The following RBFOX1 variants were observed in gnomAD, a reference collection of about 807,000 sequenced individuals.
RBFOX1 encodes the protein RNA binding fox-1 homolog 1, also known as RNA binding protein fox-1 homolog 1.
Under a neutral mutation model 57.7 loss-of-function variants are expected in RBFOX1, and 8 were observed. The observed-to-expected ratio is 0.14, with a 90% CI of 0.08 to 0.25. The LOEUF is 0.25. Ranked by LOEUF, RBFOX1 falls within the 10% of genes least tolerant of loss-of-function variation. RBFOX1 has a pLI of 1.00. For synonymous variants in RBFOX1, 326 were observed against 222.4 expected (o/e 1.47, Z -4.15); for missense variants, 611 against 548.5 (o/e 1.11, Z -1.14).
At chr16:5,286,727 C>T (rs548198520) in intron 1 of RBFOX1, among the ~76,000 whole-genome samples, 4 of 152,204 alleles carry the variant, frequency 2.6e-5, no homozygotes, top group Admixed American at 2.0e-4. Context: ...CATAAAGAGG[C>T]AAACGGTAAT....
chr16:6,378,970 C>T lies in RBFOX1; in HGVS notation c.-64+61913C>T, dbSNP rs373504482. Among the ~76,000 whole-genome samples, 9 of 152,124 alleles carry T rather than the reference C, an allele frequency of 5.9e-5. No individual in the cohort carries two copies. The South Asian group carries it at 1.9e-3, about 32-fold the overall frequency. On this transcript the variant is annotated intron_variant, in intron 2 of 15. Coordinates refer to ENST00000550418, the MANE Select transcript of RBFOX1 (RefSeq NM_018723.4). The stretch of plus-strand genomic sequence containing the variant: ...GATTGGCCCTGGAAAAAGAAAGTAG[C>T]AATGGAGCAGGAAGTAATTAGACAT...
intron 2 of RBFOX1, among the ~76,000 whole-genome samples, chr16:6,443,888 A>G (rs1212966460): frequency 1.3e-5 from 2 of 152,082 alleles, no homozygotes; most frequent in Non-Finnish European, 2.9e-5. Flanking sequence ...CCATGCACTC[A>G]TTCAATTAAC....
chr16:7,393,756 G>A (rs2098087721), intron 4 of RBFOX1, among the ~76,000 whole-genome samples: 1 of 152,150 alleles, frequency 6.6e-6, no homozygotes, highest in African/African-American at 2.4e-5. Flanking sequence ...CCCAGGAAGG[G>A]GTGGTAGCCG....
chr16:6,406,969 C>T (rs9930982), intron 2 of RBFOX1, among the ~76,000 whole-genome samples: 1 of 152,060 alleles, frequency 6.6e-6, no homozygotes, highest in African/African-American at 2.4e-5. Context: ...ATGATCCTTG[C>T]CTAACTTCCT....
chr16:5,598,955 A>G, exon 3 of RBFOX1: 1 of 1,531,742 alleles, frequency 6.5e-7, no homozygotes, highest in Non-Finnish European at 8.7e-7. Context: ...ACAGCCTGCA[A>G]GACTCCGTAA....
At chr16:6,318,788 A>T (rs116728803) in intron 2 of RBFOX1, among the ~76,000 whole-genome samples, 174 of 152,164 alleles carry the variant, frequency 1.1e-3, no homozygotes, top group African/African-American at 4.0e-3. Flanking sequence ...TACTGCTCTA[A>T]ACCAGTGAGC....
chr16:5,907,425 G>C (rs1180332885), intron 4 of RBFOX1, among the ~76,000 whole-genome samples: 3 of 151,932 alleles, frequency 2.0e-5, no homozygotes, highest in Non-Finnish European at 4.4e-5. Context: ...TTCAGAGCAC[G>C]TTGCACCTTT....
At chr16:6,599,387 T>G (rs2154003435) in intron 2 of RBFOX1, among the ~76,000 whole-genome samples, 1 of 152,266 alleles carries the variant, frequency 6.6e-6, no homozygotes, top group Non-Finnish European at 1.5e-5. Context: ...AGTCTCTTCC[T>G]TGGGAGTTAA....
intron 2 of RBFOX1, among the ~76,000 whole-genome samples, chr16:6,328,001 C>A (rs2082574702): frequency 6.6e-6 from 1 of 152,144 alleles, no homozygotes; most frequent in South Asian, 2.1e-4. Context: ...AAAGGTTGTG[C>A]ATTGCCAATT....
At chr16:6,844,313 T>G (rs570745314) in intron 3 of RBFOX1, among the ~76,000 whole-genome samples, 1 of 152,252 alleles carries the variant, frequency 6.6e-6, no homozygotes, top group South Asian at 2.1e-4. Flanking sequence ...AGGTATTAAA[T>G]CTGGTGTTCA....
chr16:6,722,521 A>G (rs1479953888), intron 3 of RBFOX1, among the ~76,000 whole-genome samples: 1 of 17,810 alleles, frequency 5.6e-5, no homozygotes, highest in African/African-American at 6.0e-5. Context: ...AATACTTGGC[A>G]TTTTGCCAAG....
rs575883585 is a variant in RBFOX1, at chr16:7,523,848, G to C, written c.270+5459G>C. Among the ~76,000 whole-genome samples, 199 of 152,310 alleles carry C rather than the reference G, an allele frequency of 1.3e-3. 1 individual carries two copies. Among genetic ancestry groups the C allele is most frequent in the African/African-American group, 4.5e-3 (187 of 41,570 alleles). ...TCCTGATCTACACCAGCAGAACGTG[G>C]TCTATGACAAGTTTACTTCAAATTG... On this transcript the variant is annotated intron_variant, in intron 5 of 15. Coordinates refer to ENST00000550418, the MANE Select transcript of RBFOX1 (RefSeq NM_018723.4).
intron 2 of RBFOX1, among the ~76,000 whole-genome samples, chr16:5,571,215 C>CT (rs34409151): frequency 0.51 from 40,801 of 79,704 alleles, 11,741 homozygotes; most frequent in East Asian, 0.58. Flanking sequence ...CCATCTTTGA[C>CT]TTTTTTTTTT....
intron 3 of RBFOX1, among the ~76,000 whole-genome samples, chr16:6,707,534 G>C (rs1230833482): frequency 2.2e-5 from 3 of 133,728 alleles, no homozygotes; most frequent in Non-Finnish European, 4.6e-5. Context: ...CCTTGTACAT[G>C]CATCTTGGGG....
At chr16:5,778,662 A>T (rs577907406) in intron 3 of RBFOX1, among the ~76,000 whole-genome samples, 5 of 152,272 alleles carry the variant, frequency 3.3e-5, no homozygotes, top group African/African-American at 1.2e-4. Context: ...GTCCACAGCC[A>T]GGTGTCCTGT....
intron 2 of RBFOX1, among the ~76,000 whole-genome samples, chr16:6,600,495 C>T (rs778116891): frequency 8.5e-5 from 13 of 152,178 alleles, no homozygotes. Context: ...AGTCTCCAAA[C>T]CCTTTATTTG....
At chr16:6,640,490 C>G (rs1355127076) in intron 2 of RBFOX1, among the ~76,000 whole-genome samples, 1 of 152,006 alleles carries the variant, frequency 6.6e-6, no homozygotes, top group Non-Finnish European at 1.5e-5. Flanking sequence ...CACCTGTAAT[C>G]CCAGGTACTT....
At chr16:7,332,019 T>G (rs2096704512) in intron 4 of RBFOX1, among the ~76,000 whole-genome samples, 1 of 152,204 alleles carries the variant, frequency 6.6e-6, no homozygotes, top group South Asian at 2.1e-4. Flanking sequence ...GTTAATGTAT[T>G]GCATATTAAT....
At position 7,536,386 on chromosome 16, in the gene RBFOX1, G is replaced by A. The variant is rs181350832; in HGVS notation, c.270+17997G>A. 4.4e-4 allele frequency among the ~76,000 whole-genome samples: 67 copies of A among 152,252 alleles called. 1 individual carries two copies. Among genetic ancestry groups the A allele is most frequent in the African/African-American group, 1.5e-3 (62 of 41,556 alleles). On this transcript the variant is annotated intron_variant, in intron 5 of 15. Transcript: ENST00000550418. ...AGGTGGGTGGATCTCTTGAGGCAAG[G>A]AGTTCAAGACCAGCCTGGCCAAAAT...
Sources: allele counts gnomAD v4.1 joint callset (sites outside exome capture counted in the v4.1 genomes callset), GRCh38; gene constraint gnomAD v4.1.1; transcripts MANE v1.5; gene names NCBI Gene and HGNC (gene_info 2026-07-23, HGNC 2026-07-21).